SLC30A5: variants seen among roughly 807,000 people sequenced by gnomAD.
SLC30A5 encodes the protein proton-coupled zinc antiporter SLC30A5.
In SLC30A5, 33 loss-of-function variants were observed where a neutral mutation model predicts 79.6. The ratio of observed to expected loss-of-function variants is 0.41; its 90% CI spans 0.31 to 0.55. The LOEUF (loss-of-function observed/expected upper bound fraction) is 0.55. Among genes scored for constraint, SLC30A5 ranks in the 20% least tolerant of loss-of-function variants. The pLI is 0.20. For missense variants in SLC30A5, 788 were observed against 928.1 expected (o/e 0.85, Z 1.96); for synonymous variants, 299 against 319.7 (o/e 0.94, Z 0.69).
rs111683240 is a variant in SLC30A5, at chr5:69,116,302, T to G, written c.1072+88T>G. The G allele has an allele frequency of 6.7e-7, 1 of 1,500,704 alleles. No homozygotes were observed. Among genetic ancestry groups the G allele is most frequent in the Non-Finnish European group, 8.9e-7 (1 of 1,119,100 alleles). 93.0% of individuals were successfully genotyped at this position (1,500,704 alleles called of 1,614,324 possible). A position where few individuals can be genotyped will look rare whatever the true frequency, so the allele number is the denominator to read the frequency against. Reference sequence around the variant, plus strand: ...TCATTTACTTATTTTGGGAAATTCTTCAGTGCTTGCATTTAGTGCCGACAG... The same window carrying G: ...TCATTTACTTATTTTGGGAAATTCTGCAGTGCTTGCATTTAGTGCCGACAG... On this transcript the variant is annotated intron_variant, in intron 9 of 15. Coordinates refer to ENST00000396591, the MANE Select transcript of SLC30A5 (RefSeq NM_022902.5). This position sits in a 1 kb window ranked among gnomAD's most constrained non-coding sequence, Gnocchi z 4.0.
chr5:69,127,018 C>T (rs35501479), intron 14 of SLC30A5, among the ~76,000 whole-genome samples: 24,054 of 151,894 alleles, frequency 0.16, 2,388 homozygotes, highest in East Asian at 0.22. Context: ...AAAAAACTTT[C>T]GTAATGTTTT....
intron 3 of SLC30A5, chr5:69,104,078 T>A (rs749414096): frequency 1.3e-6 from 2 of 1,518,292 alleles, no homozygotes; most frequent in South Asian, 2.5e-5. Context: ...AAGAAAAAGA[T>A]TTCAAAATCT....
intron 1 of SLC30A5, 33 bp downstream of exon 1, chr5:69,094,371 C>T: frequency 8.0e-7 from 1 of 1,244,226 alleles, no homozygotes; most frequent in East Asian, 3.2e-5. Context: ...AGCGACCGGC[C>T]GGGTCGCTCA....
chr5:69,103,625 G>C (rs1401468010), intron 3 of SLC30A5, among the ~76,000 whole-genome samples: 1 of 152,130 alleles, frequency 6.6e-6, no homozygotes, highest in Non-Finnish European at 1.5e-5. Flanking sequence ...AGAACTGTGA[G>C]GAAAAATGAA....
rs1746342362 is a variant in SLC30A5 at position 69,115,478 on chromosome 5, A to C, written c.783+71A>C. On this transcript the variant is annotated intron_variant, in intron 8 of 15. Coordinates refer to ENST00000396591, the MANE Select transcript of SLC30A5 (RefSeq NM_022902.5). ...TGAATTGCTATTAAATTTTTAGTTC[A>C]CTGTATTCAATAAATTATATTTTAA... The C allele has an allele frequency of 3.3e-6, 4 of 1,194,224 alleles. No homozygotes were observed. In the Admixed American group the frequency reaches 8.8e-5, roughly 26 times the overall value. The allele number at this position is 1,194,224 out of a possible 1,614,324, so 74.0% of individuals were successfully genotyped here. A position where few individuals can be genotyped will look rare whatever the true frequency, so the allele number is the denominator to read the frequency against.
chr5:69,103,255 A>C, intron 3 of SLC30A5, 127 bp downstream of exon 3: 1 of 582,852 alleles, frequency 1.7e-6, no homozygotes, highest in Non-Finnish European at 3.1e-6. Flanking sequence ...TTTTAGAGTT[A>C]ACTTGCTCTT....
intron 7 of SLC30A5, 86 bp from the exon 8 acceptor site, chr5:69,115,134 GGAAAAAAAAAAAAAAAA>G: frequency 4.5e-6 from 3 of 659,944 alleles, no homozygotes; most frequent in Non-Finnish European, 7.0e-6. Flanking sequence ...CTGTCTCTGG[GGAAAAAAAAAAAAAAAA>G]AAAAAAAAAA....
chr5:69,104,326 C>A (rs1467395023), intron 3 of SLC30A5: 2 of 523,158 alleles, frequency 3.8e-6, no homozygotes, highest in East Asian at 6.6e-5. Context: ...TTAGTAGAGA[C>A]GGGGCTTCAT....
intron 5 of SLC30A5, among the ~76,000 whole-genome samples, chr5:69,111,555 C>G (rs1003570114): frequency 1.1e-3 from 157 of 149,042 alleles, no homozygotes; most frequent in African/African-American, 3.8e-3. Flanking sequence ...CCACCCGCCT[C>G]GGCCTCCCAA....
rs866951918 is a variant in SLC30A5, at chr5:69,094,597, C to T, written c.83+259C>T. Among the ~76,000 whole-genome samples the T allele has an allele frequency of 3.3e-5, 5 of 152,080 alleles. No homozygotes were observed. In the South Asian group the frequency reaches 8.3e-4, roughly 25 times the overall value. ...GGCAGACAGTCAGTCTTAGAACTGCCCGCCAGTTCACGTGAGAGGTTTTTC... is the reference window on the plus strand; with the variant it reads ...GGCAGACAGTCAGTCTTAGAACTGCTCGCCAGTTCACGTGAGAGGTTTTTC... On this transcript the variant is annotated intron_variant, in intron 1 of 15. Coordinates refer to ENST00000396591, the MANE Select transcript of SLC30A5 (RefSeq NM_022902.5).
intron 5 of SLC30A5, among the ~76,000 whole-genome samples, chr5:69,111,961 TACAAG>T (rs1421770514): frequency 6.6e-6 from 1 of 152,212 alleles, no homozygotes; most frequent in African/African-American, 2.4e-5. Context: ...ATATGTATCA[TACAAG>T]ACATGTTATA....
chr5:69,126,431 C>A (rs1022315867), intron 14 of SLC30A5, among the ~76,000 whole-genome samples: 1 of 152,090 alleles, frequency 6.6e-6, no homozygotes, highest in Non-Finnish European at 1.5e-5. Context: ...TGAGCCACCG[C>A]GCCTGGCCTA....
rs559048933 is a variant in SLC30A5 at position 69,094,585 on chromosome 5, T to C, written c.83+247T>C. ...TCTGGGTTACAAGGCAGACAGTCAGTCTTAGAACTGCCCGCCAGTTCACGT... is the reference window on the plus strand; with the variant it reads ...TCTGGGTTACAAGGCAGACAGTCAGCCTTAGAACTGCCCGCCAGTTCACGT... On this transcript the variant is annotated intron_variant, in intron 1 of 15. Coordinates refer to ENST00000396591, the MANE Select transcript of SLC30A5 (RefSeq NM_022902.5). 2.6e-5 allele frequency among the ~76,000 whole-genome samples: 4 copies of C among 152,174 alleles called. 1 individual carries two copies. The highest frequency in any genetic ancestry group is 9.6e-5 in the African/African-American group (4 of 41,546).
At position 69,128,018 on chromosome 5, in the gene SLC30A5, A is replaced by G; in HGVS notation, c.2013A>G (p.Glu671=). 6.2e-7 allele frequency: 1 copy of G among 1,610,302 alleles called. No individual in the cohort carries two copies. Among genetic ancestry groups the G allele is most frequent in the Non-Finnish European group, 8.5e-7 (1 of 1,177,664 alleles). The change falls in exon 15 of 16, where the codon GAA becomes GAG. Residue 671 remains glutamate (E), a synonymous_variant. Transcript: ENST00000396591. ...HIALEKIQKI[E]GLISYRDPHF... is the part of the protein sequence containing the mutation. ...TTATTTGACAGATACAGAAAATTGA[A>G]GGATTAATATCATACCGAGACCCTC...
chr5:69,125,424 G>A (rs1256572422), intron 14 of SLC30A5, among the ~76,000 whole-genome samples: 3 of 152,086 alleles, frequency 2.0e-5, no homozygotes, highest in African/African-American at 7.2e-5. Flanking sequence ...TACTCAGGAG[G>A]CTGAGTCAGT....
At chr5:69,096,788 C>A (rs1745743069) in intron 1 of SLC30A5, among the ~76,000 whole-genome samples, 1 of 151,892 alleles carries the variant, frequency 6.6e-6, no homozygotes, top group South Asian at 2.1e-4. Flanking sequence ...ACAGTGAGAC[C>A]CCTGTCTCTA....
Position 69,104,722 on chromosome 5 carries a change from T to TA in SLC30A5, c.359+11dup, listed in dbSNP as rs1356691967. On this transcript the variant is annotated splice_region_variant and intron_variant, in intron 4 of 15. Coordinates refer to ENST00000396591, the MANE Select transcript of SLC30A5 (RefSeq NM_022902.5). ...ACTCTTTGTGGACCACTAAGGTAAA[T>TA]AAAAATGCATATTTTGAATGTGTGT... 1 of 1,600,528 alleles carries TA rather than the reference T, an allele frequency of 6.2e-7. No homozygotes were observed. Among genetic ancestry groups the TA allele is most frequent in the Non-Finnish European group, 8.5e-7 (1 of 1,175,404 alleles).
intron 12 of SLC30A5, among the ~76,000 whole-genome samples, chr5:69,120,918 C>G (rs1264107504): frequency 6.6e-6 from 1 of 152,170 alleles, no homozygotes; most frequent in African/African-American, 2.4e-5. Flanking sequence ...AGCAGATAAT[C>G]AAGGATAAGT....
intron 14 of SLC30A5, among the ~76,000 whole-genome samples, chr5:69,126,165 TA>T (rs1418701778): frequency 6.6e-6 from 1 of 152,232 alleles, no homozygotes; most frequent in Non-Finnish European, 1.5e-5. Context: ...CATATTAAAG[TA>T]ATTGGGATCT....
Sources: gnomAD v4.1 joint callset for allele counts (sites outside exome capture counted in the v4.1 genomes callset) on GRCh38, gnomAD v4.1.1 for gene constraint, Gnocchi (gnomAD v3.1) non-coding constraint, MANE v1.5 for transcripts, NCBI Gene and HGNC (gene_info 2026-07-23, HGNC 2026-07-21) for gene names.